Variants in HDAC4 observed in about 807,000 individuals in gnomAD.
HDAC4 encodes histone deacetylase A.
Under a neutral mutation model 135.1 loss-of-function variants are expected in HDAC4, and 16 were observed. That is an observed-to-expected ratio of 0.12 (90% CI 0.08 to 0.18). HDAC4 has a LOEUF of 0.18. Among genes scored for constraint, HDAC4 ranks in the 10% least tolerant of loss-of-function variants. HDAC4 has a pLI of 1.00. For synonymous variants in HDAC4, 685 were observed against 653.4 expected (o/e 1.05, Z -0.74); for missense variants, 1,143 against 1,511.8 (o/e 0.76, Z 4.05).
chr2:239,199,986 C>T (rs1295301680), intron 3 of HDAC4, among the ~76,000 whole-genome samples: 2 of 152,162 alleles, frequency 1.3e-5, no homozygotes, highest in Non-Finnish European at 2.9e-5. Flanking sequence ...GATCCATCTG[C>T]CTCGGCCTCC....
chr2:239,259,567 T>C (rs1484549386), intron 2 of HDAC4, among the ~76,000 whole-genome samples: 1 of 152,236 alleles, frequency 6.6e-6, no homozygotes, highest in Non-Finnish European at 1.5e-5. Flanking sequence ...GCGAAAGCCA[T>C]GCATAGAGGA....
intron 2 of HDAC4, among the ~76,000 whole-genome samples, chr2:239,315,673 A>C (rs190328874): frequency 6.6e-6 from 1 of 152,298 alleles, no homozygotes; most frequent in African/African-American, 2.4e-5. Flanking sequence ...ATGTTTTAAT[A>C]AACAGTACTG....
intron 1 of HDAC4, among the ~76,000 whole-genome samples, chr2:239,356,609 G>T (rs930354115): frequency 2.6e-5 from 4 of 152,136 alleles, no homozygotes; most frequent in Non-Finnish European, 5.9e-5. Context: ...AAGCTGTAAT[G>T]GTTATATGTA....
chr2:239,399,906 G>A (rs1467473202), intron 1 of HDAC4, among the ~76,000 whole-genome samples: 1 of 152,188 alleles, frequency 6.6e-6, no homozygotes, highest in African/African-American at 2.4e-5. Context: ...TTTACAACAT[G>A]CAATAAAGAA....
intron 3 of HDAC4, among the ~76,000 whole-genome samples, chr2:239,217,865 G>A (rs147338589): frequency 6.6e-6 from 1 of 152,138 alleles, no homozygotes; most frequent in African/African-American, 2.4e-5. Flanking sequence ...AAGGCGGGAG[G>A]GGGATCGTTT....
chr2:239,305,058 G>A (rs939794073), intron 2 of HDAC4, among the ~76,000 whole-genome samples: 1 of 152,178 alleles, frequency 6.6e-6, no homozygotes, highest in African/African-American at 2.4e-5. Flanking sequence ...CAGGCTCTGT[G>A]TTCTTAGACA....
At chr2:239,085,726 A>G (rs1410317939) in intron 19 of HDAC4, 4 of 152,020 alleles carry the variant, frequency 2.6e-5, no homozygotes, top group Admixed American at 2.6e-4. Flanking sequence ...CACGAAGGAC[A>G]CTCTGCTCTA....
intron 2 of HDAC4, among the ~76,000 whole-genome samples, chr2:239,332,941 CA>C (rs1363396054): frequency 2.0e-5 from 3 of 152,056 alleles, no homozygotes; most frequent in Non-Finnish European, 4.4e-5. Context: ...AACTTTATTT[CA>C]ATACATTTGA....
At position 239,081,153 on chromosome 2, in the gene HDAC4, C is replaced by G. The variant is rs2035280880; in HGVS notation, c.2692G>C (p.Ala898Pro). ...GPGVGFNVNMAFTGGLDPPMG... is the reference protein window; with the variant it reads ...GPGVGFNVNMPFTGGLDPPMG... ...GGGGGGTCCAGGCCGCCGGTGAAAG[C>G]CATGTTGACGTTGAAACCCACGCCG... The change falls in exon 22 of 27, where the codon GCT becomes CCT. Residue 898 changes from alanine to proline, a missense_variant. Ala to Pro is a conservative substitution (Grantham distance 27, BLOSUM62 -1). Coordinates refer to ENST00000543185, the MANE Select transcript of HDAC4 (RefSeq NM_001378414.1). 1 of 1,614,018 alleles carries G rather than the reference C, an allele frequency of 6.2e-7. No individual in the cohort carries two copies. The highest frequency in any genetic ancestry group is 8.5e-7 in the Non-Finnish European group (1 of 1,180,008).
rs201531789 is a variant in HDAC4, at chr2:239,051,420, TAAA to T, written c.*1674_*1676del. On this transcript the variant is annotated 3_prime_UTR_variant, in exon 27 of 27. Transcript: ENST00000543185. ...AAAATAATTAAAAACCTTTGAAAGGTAAAAAAAAATGTACAAGCAAGAATTCAG... is the reference window on the plus strand; with the variant it reads ...AAAATAATTAAAAACCTTTGAAAGGTAAAAAATGTACAAGCAAGAATTCAG... 6.6e-6 allele frequency: 1 copy of T among 150,806 alleles called. No individual in the cohort carries two copies. The highest frequency in any genetic ancestry group is 2.4e-5 in the African/African-American group (1 of 41,058). 9.3% of individuals were successfully genotyped at this position (150,806 alleles called of 1,614,324 possible).
At position 239,173,500 on chromosome 2, in the gene HDAC4, T is replaced by G. The variant is rs143810697; in HGVS notation, c.490+2913A>C. Among the ~76,000 whole-genome samples the G allele has an allele frequency of 7.4e-3, 1,125 of 152,268 alleles. 9 individuals carry two copies. Among genetic ancestry groups the G allele is most frequent in the Middle Eastern group, 0.051 (15 of 294 alleles). The stretch of plus-strand genomic sequence containing the variant: ...AGCAAACAAGGAATGGAAGGGAAAC[T>G]TCCATGATCTGATAAATAGCACCTG... On this transcript the variant is annotated intron_variant, in intron 5 of 26. Transcript: ENST00000543185.
chr2:239,342,800 C>T (rs981740243), intron 2 of HDAC4, among the ~76,000 whole-genome samples: 2 of 152,100 alleles, frequency 1.3e-5, no homozygotes, highest in Non-Finnish European at 2.9e-5. Context: ...ATAAGCCAGC[C>T]GGGCTCAGGA....
At chr2:239,053,993 T>C (rs2031347539) in intron 25 of HDAC4, among the ~76,000 whole-genome samples, 1 of 150,330 alleles carries the variant, frequency 6.7e-6, no homozygotes, top group Admixed American at 6.6e-5. Flanking sequence ...GGATTGTCGC[T>C]GGGGCTGAGG....
At chr2:239,056,317 G>A (rs1048509070) in intron 24 of HDAC4, among the ~76,000 whole-genome samples, 1 of 152,256 alleles carries the variant, frequency 6.6e-6, no homozygotes, top group Non-Finnish European at 1.5e-5. Flanking sequence ...AAGGGAAGCA[G>A]GCTCCTTGGA....
At chr2:239,109,044 G>A (rs2038424472) in intron 14 of HDAC4, among the ~76,000 whole-genome samples, 1 of 152,226 alleles carries the variant, frequency 6.6e-6, no homozygotes, top group Non-Finnish European at 1.5e-5. Context: ...CTAGAGATGC[G>A]AGGGAAGGCC....
intron 2 of HDAC4, among the ~76,000 whole-genome samples, chr2:239,273,642 G>T (rs1021533504): frequency 6.6e-6 from 1 of 152,160 alleles, no homozygotes; most frequent in African/African-American, 2.4e-5. Context: ...CCGGTCCGGC[G>T]CAGGCTCCAG....
At chr2:239,278,609 C>T (rs2050528308) in intron 2 of HDAC4, among the ~76,000 whole-genome samples, 1 of 152,166 alleles carries the variant, frequency 6.6e-6, no homozygotes, top group South Asian at 2.1e-4. Context: ...GAGACAGAGG[C>T]TGCAGTGAGG....
chr2:239,073,465 C>T (rs2034406415), intron 22 of HDAC4, among the ~76,000 whole-genome samples: 1 of 152,218 alleles, frequency 6.6e-6, no homozygotes, highest in Non-Finnish European at 1.5e-5. Context: ...CTTGTGGTGC[C>T]CAAGACAGGA....
chr2:239,106,452 G>A lies in HDAC4; in HGVS notation c.2112+1598C>T, dbSNP rs574702851. ...CAGCTGTCTGGTCCTGTGGAGGGAA[G>A]GGACGTGGGGAAGGAGTTTCCTGCA... On this transcript the variant is annotated intron_variant, in intron 15 of 26. Coordinates refer to ENST00000543185, the MANE Select transcript of HDAC4 (RefSeq NM_001378414.1). Among the ~76,000 whole-genome samples the A allele has an allele frequency of 2.0e-5, 3 of 152,260 alleles. No individual in the cohort carries two copies. The South Asian group carries it at 6.2e-4, about 32-fold the overall frequency.
Sources: gnomAD v4.1 joint callset for allele counts (sites outside exome capture counted in the v4.1 genomes callset) on GRCh38, gnomAD v4.1.1 for gene constraint, MANE v1.5 for transcripts, NCBI Gene and HGNC (gene_info 2026-07-23, HGNC 2026-07-21) for gene names.